KCNJ1: variants seen among roughly 807,000 people sequenced by gnomAD.
The protein encoded by KCNJ1 is potassium inwardly rectifying channel subfamily J member 1.
A neutral mutation model predicts 21.9 loss-of-function variants in KCNJ1; 24 were observed. The ratio of observed to expected loss-of-function variants is 1.10; its 90% confidence interval spans 0.79 to 1.54. The LOEUF (loss-of-function observed/expected upper bound fraction) is 1.54. KCNJ1 is among the 40% of genes most tolerant of loss of function. The pLI is 0.00. For synonymous variants in KCNJ1, 152 were observed against 160.9 expected (o/e 0.94, Z 0.42); for missense variants, 457 against 455.4 (o/e 1.00, Z -0.03).
intron 1 of KCNJ1, among the ~76,000 whole-genome samples, chr11:128,859,813 TG>T (rs780217459): frequency 2.0e-5 from 3 of 152,190 alleles, no homozygotes; most frequent in Non-Finnish European, 4.4e-5. Flanking sequence ...GTGGGGGAGC[TG>T]GGCAGGAAAT....
rs749648884 is a variant in KCNJ1, at chr11:128,839,291, T to C, written c.953A>G (p.Tyr318Cys). 6.2e-7 allele frequency: 1 copy of C among 1,614,152 alleles called. No homozygotes were observed. Among genetic ancestry groups the C allele is most frequent in the Non-Finnish European group, 8.5e-7 (1 of 1,180,022 alleles). ...PIVSKTKEGK[Y>C]RVDFHNFSKT... Reference sequence around the variant, plus strand: ...GCTAAAGTTATGGAAATCCACTCGGTATTTCCCTTCCTTTGTCTTGGATAC... The same window carrying C: ...GCTAAAGTTATGGAAATCCACTCGGCATTTCCCTTCCTTTGTCTTGGATAC... The change falls in exon 3 of 3, where the codon TAC becomes TGC. Residue 318 changes from tyrosine (Y) to cysteine (C), a missense_variant. Tyr to Cys is a radical substitution (Grantham distance 194). Transcript: ENST00000392666.
intron 1 of KCNJ1, chr11:128,866,527 T>C: frequency 1.0e-6 from 1 of 975,692 alleles, no homozygotes; most frequent in Non-Finnish European, 1.2e-6. Context: ...CCATACCTGT[T>C]CAGAGCAGAG....
chr11:128,864,773 C>T (rs953195945), intron 1 of KCNJ1, among the ~76,000 whole-genome samples: 1 of 152,026 alleles, frequency 6.6e-6, no homozygotes, highest in African/African-American at 2.4e-5. Context: ...TCCACTTCAT[C>T]CTCGCCTGTC....
rs553836784 is a variant in KCNJ1, at chr11:128,838,910, A to G, written c.*215T>C. 5.4e-5 allele frequency: 32 copies of G among 587,738 alleles called. No individual in the cohort carries two copies. The highest frequency in any genetic ancestry group is 8.1e-5 in the Non-Finnish European group (27 of 331,380). The allele number at this position is 587,738 out of a possible 1,614,324, so 36.4% of individuals were successfully genotyped here. ...AGAGCACCTATGTCTTCCATACACC[A>G]GTTTCATATAAATGCATTGCACGTT... On this transcript the variant is annotated 3_prime_UTR_variant, in exon 3 of 3. Transcript: ENST00000392666.
At position 128,839,515 on chromosome 11, in the gene KCNJ1, G is replaced by A. The variant is rs1402494684; in HGVS notation, c.729C>T (p.Phe243=). The change falls in exon 3 of 3, where the codon TTC becomes TTT. Residue 243 remains phenylalanine (F), a synonymous_variant. Coordinates refer to ENST00000392666, the MANE Select transcript of KCNJ1 (RefSeq NM_153766.3). The part of the protein sequence containing the change: ...VVDAGNENLF[F]ISPLTIYHVI... Reference sequence around the variant, plus strand: ...CATGGTAAATTGTCAATGGGGAGATGAAGAATAAATTTTCATTCCCAGCGT... The same window carrying A: ...CATGGTAAATTGTCAATGGGGAGATAAAGAATAAATTTTCATTCCCAGCGT... 11 of 1,614,174 alleles carry A rather than the reference G, an allele frequency of 6.8e-6. No individual in the cohort carries two copies. The South Asian group carries it at 1.1e-4, about 16-fold the overall frequency.
At chr11:128,852,043 A>G (rs1024348539) in intron 1 of KCNJ1, among the ~76,000 whole-genome samples, 3 of 152,218 alleles carry the variant, frequency 2.0e-5, no homozygotes, top group Admixed American at 2.0e-4. Context: ...GTGGGTTTCC[A>G]GTGTTTGAAT....
At position 128,861,326 on chromosome 11, in the gene KCNJ1, G is replaced by A. The variant is rs147015530; in HGVS notation, c.-192+5847C>T. On this transcript the variant is annotated intron_variant, in intron 1 of 2. Coordinates refer to ENST00000392666, the MANE Select transcript of KCNJ1 (RefSeq NM_153766.3). ...TGGCAGCTGAGACCCAGGATTGGGG[G>A]CCCTAGTGGGGCTGGGGTCAATGGG... 7.3e-3 allele frequency among the ~76,000 whole-genome samples: 1,119 copies of A among 152,338 alleles called. 14 individuals carry two copies. Among genetic ancestry groups the A allele is most frequent in the African/African-American group, 0.025 (1,058 of 41,590 alleles).
rs1158549473 is a variant in KCNJ1, at chr11:128,840,261, T to C, written c.-18A>G. On this transcript the variant is annotated 5_prime_UTR_variant, in exon 3 of 3. Coordinates refer to ENST00000392666, the MANE Select transcript of KCNJ1 (RefSeq NM_153766.3). ...TTGAACATACTTTCTGTCAACACCC[T>C]GATCTGAAAACACATCAAAGAAAAA... is the stretch of plus-strand genomic sequence containing the variant. 1 of 1,614,136 alleles carries C rather than the reference T, an allele frequency of 6.2e-7. No homozygotes were observed. The highest frequency in any genetic ancestry group is 1.6e-4 in the Middle Eastern group (1 of 6,062).
intron 1 of KCNJ1, among the ~76,000 whole-genome samples, chr11:128,855,257 G>A (rs1241965926): frequency 6.6e-6 from 1 of 151,572 alleles, no homozygotes; most frequent in African/African-American, 2.4e-5. Flanking sequence ...TCCAATAATT[G>A]TACCCATTTT....
intron 1 of KCNJ1, among the ~76,000 whole-genome samples, chr11:128,858,417 T>G (rs995383937): frequency 2.0e-5 from 3 of 152,058 alleles, no homozygotes; most frequent in Admixed American, 2.0e-4. Flanking sequence ...ACTGTTCAAA[T>G]GGCACGTGTC....
chr11:128,839,728 G>A lies in KCNJ1; in HGVS notation c.516C>T (p.Thr172=). Residue 172 remains threonine, a synonymous_variant, in exon 3 of 3, where the codon ACC becomes ACT. Transcript: ENST00000392666. The part of the protein sequence containing the change: ...KISRPKKRAK[T]ITFSKNAVIS... ...TCACTGCGTTCTTGCTGAACGTAAT[G>A]GTCTTGGCACGTTTTTTGGGCCTGG... The A allele has an allele frequency of 6.2e-7, 1 of 1,613,694 alleles. No individual in the cohort carries two copies. Among genetic ancestry groups the A allele is most frequent in the Non-Finnish European group, 8.5e-7 (1 of 1,179,892 alleles).
At chr11:128,855,415 C>CT (rs1943570878) in intron 1 of KCNJ1, among the ~76,000 whole-genome samples, 1 of 152,182 alleles carries the variant, frequency 6.6e-6, no homozygotes, top group African/African-American at 2.4e-5. Flanking sequence ...GACAACTGGG[C>CT]TTAGTACTAA....
intron 1 of KCNJ1, among the ~76,000 whole-genome samples, chr11:128,855,983 C>T (rs1215261629): frequency 1.3e-5 from 2 of 152,226 alleles, no homozygotes; most frequent in East Asian, 1.9e-4. Flanking sequence ...CATAGTCCTG[C>T]TCGGGGCTCT....
intron 1 of KCNJ1, among the ~76,000 whole-genome samples, chr11:128,855,221 A>G (rs1943565568): frequency 6.6e-6 from 1 of 151,972 alleles, no homozygotes; most frequent in Non-Finnish European, 1.5e-5. Context: ...TGTCTTCCTG[A>G]TTCACTTTTC....
At position 128,839,246 on chromosome 11, in the gene KCNJ1, G is replaced by A; in HGVS notation, c.998C>T (p.Thr333Ile). 6.2e-7 allele frequency: 1 copy of A among 1,614,066 alleles called. No individual in the cohort carries two copies. The highest frequency in any genetic ancestry group is 8.5e-7 in the Non-Finnish European group (1 of 1,179,954). ...ATAAAGGCACATGGCACAGTGAGGGGTCTCCACTTCCACTGTCTTGCTAAA... is the reference window on the plus strand; with the variant it reads ...ATAAAGGCACATGGCACAGTGAGGGATCTCCACTTCCACTGTCTTGCTAAA... Reference protein sequence around the residue: ...HNFSKTVEVETPHCAMCLYNE... With the variant: ...HNFSKTVEVEIPHCAMCLYNE... Residue 333 changes from threonine to isoleucine, a missense_variant, in exon 3 of 3, where the codon ACC becomes ATC. Transcript: ENST00000392666.
At chr11:128,856,416 T>C (rs566413535) in intron 1 of KCNJ1, among the ~76,000 whole-genome samples, 2 of 152,270 alleles carry the variant, frequency 1.3e-5, no homozygotes, top group Non-Finnish European at 2.9e-5. Flanking sequence ...GCAGGTACCA[T>C]GGCCACCAGG....
At chr11:128,846,959 C>T (rs1282624106) in intron 2 of KCNJ1, among the ~76,000 whole-genome samples, 2 of 152,134 alleles carry the variant, frequency 1.3e-5, no homozygotes, top group Admixed American at 6.5e-5. Flanking sequence ...TGTCTGAACA[C>T]CAACAAAACA....
chr11:128,843,114 G>A (rs924085730), intron 2 of KCNJ1, among the ~76,000 whole-genome samples: 3 of 152,242 alleles, frequency 2.0e-5, no homozygotes, highest in Admixed American at 1.3e-4. Flanking sequence ...TTTGTTCAGA[G>A]TGAGAGGGAT....
At position 128,839,107 on chromosome 11, in the gene KCNJ1, C is replaced by A. The variant is rs1381133427; in HGVS notation, c.*18G>T. The A allele has an allele frequency of 1.2e-6, 2 of 1,609,882 alleles. No individual in the cohort carries two copies. On this transcript the variant is annotated 3_prime_UTR_variant, in exon 3 of 3. Transcript: ENST00000392666. ...GGAGCTTTAGAGACTTTGCTTTACT[C>A]CCGTTGAAAAGCCACTGTTACATTT...
Sources: gnomAD v4.1 joint callset for allele counts (sites outside exome capture counted in the v4.1 genomes callset) on GRCh38, gnomAD v4.1.1 for gene constraint, MANE v1.5 for transcripts, NCBI Gene and HGNC (gene_info 2026-07-23, HGNC 2026-07-21) for gene names.